The following KALRN variants were observed in gnomAD, a reference collection of about 807,000 sequenced individuals.
The protein encoded by KALRN is kalirin RhoGEF kinase.
Under a neutral mutation model 353.7 loss-of-function variants are expected in KALRN, and 70 were observed. The ratio of observed to expected loss-of-function variants is 0.20; its 90% confidence interval spans 0.16 to 0.24. The LOEUF is 0.24. KALRN is among the 10% of genes least tolerant of loss of function. The pLI is 1.00. For missense variants in KALRN, 2,791 were observed against 3,756.7 expected (o/e 0.74, Z 6.72); for synonymous variants, 1,391 against 1,434.8 (o/e 0.97, Z 0.69).
intron 1 of KALRN, among the ~76,000 whole-genome samples, chr3:124,146,626 C>G (rs148755977): frequency 1.3e-5 from 2 of 151,872 alleles, no homozygotes; most frequent in Non-Finnish European, 2.9e-5. Context: ...GCCTGTAATC[C>G]CAGCACTTTG....
intron 10 of KALRN, among the ~76,000 whole-genome samples, chr3:124,371,642 A>G (rs1024062125): frequency 6.6e-6 from 1 of 152,040 alleles, no homozygotes; most frequent in Non-Finnish European, 1.5e-5. Flanking sequence ...TCTTTAAAAA[A>G]TTTTTTACTA....
chr3:124,190,380 A>G (rs1344865456), intron 1 of KALRN, among the ~76,000 whole-genome samples: 2 of 151,998 alleles, frequency 1.3e-5, no homozygotes, highest in East Asian at 1.9e-4. Flanking sequence ...CACCATCACT[A>G]TTTCTGCATT....
At position 124,107,478 on chromosome 3, in the gene KALRN, A is replaced by G. The variant is rs191539031; in HGVS notation, c.73+73665A>G. On this transcript the variant is annotated intron_variant, in intron 1 of 59. Transcript: ENST00000682506. ...CTCAGCTAGAGACAATGTGGTTGGAACGCAGTTGAAATTATAGAGACTTTT... is the reference window on the plus strand; with the variant it reads ...CTCAGCTAGAGACAATGTGGTTGGAGCGCAGTTGAAATTATAGAGACTTTT... Among the ~76,000 whole-genome samples the G allele has an allele frequency of 5.3e-5, 8 of 152,324 alleles. No individual in the cohort carries two copies. The East Asian group carries it at 1.5e-3, about 29-fold the overall frequency.
chr3:124,224,174 A>T, intron 1 of KALRN, among the ~76,000 whole-genome samples: 1 of 149,376 alleles, frequency 6.7e-6, no homozygotes, highest in African/African-American at 2.5e-5. Flanking sequence ...TTTTTCCTGC[A>T]GCAACTCCAA....
chr3:124,317,071 G>T (rs1461713991), intron 6 of KALRN, among the ~76,000 whole-genome samples: 1 of 152,184 alleles, frequency 6.6e-6, no homozygotes, highest in Non-Finnish European at 1.5e-5. Context: ...GCCCATTCCG[G>T]AGCTAGGCTA....
At chr3:124,159,896 A>C (rs2069651668) in intron 1 of KALRN, among the ~76,000 whole-genome samples, 1 of 151,970 alleles carries the variant, frequency 6.6e-6, no homozygotes, top group Non-Finnish European at 1.5e-5. Flanking sequence ...TGGAAGCAGG[A>C]TTCTCAGAAG....
At chr3:124,582,866 C>T (rs1481450719) in intron 34 of KALRN, among the ~76,000 whole-genome samples, 1 of 152,090 alleles carries the variant, frequency 6.6e-6, no homozygotes, top group East Asian at 1.9e-4. Context: ...CATCCCCAGG[C>T]TCAAGTGATC....
At chr3:124,250,143 G>A (rs1560358395) in intron 3 of KALRN, among the ~76,000 whole-genome samples, 1 of 152,206 alleles carries the variant, frequency 6.6e-6, no homozygotes, top group South Asian at 2.1e-4. Context: ...CAGGCAAAGA[G>A]CACTGGGCTT....
intron 10 of KALRN, chr3:124,374,213 G>C (rs1300100472): frequency 1.3e-5 from 2 of 152,462 alleles, no homozygotes; most frequent in African/African-American, 4.8e-5. Flanking sequence ...ACCAGATACT[G>C]AATCTGTGGG....
At chr3:124,711,935 TAAC>T (rs2062907989) in intron 57 of KALRN, among the ~76,000 whole-genome samples, 1 of 152,156 alleles carries the variant, frequency 6.6e-6, no homozygotes, top group Non-Finnish European at 1.5e-5. Context: ...AATAAGAAGA[TAAC>T]AAACATAAAA....
intron 14 of KALRN, 146 bp from the exon 15 acceptor site, chr3:124,422,666 G>A (rs2092833229): frequency 1.5e-6 from 1 of 651,938 alleles, no homozygotes; most frequent in African/African-American, 1.8e-5. Context: ...GCATTGTGGT[G>A]CCCAGTTTCA....
At chr3:124,037,047 A>G (rs1361479135) in intron 1 of KALRN, among the ~76,000 whole-genome samples, 1 of 152,198 alleles carries the variant, frequency 6.6e-6, no homozygotes, top group African/African-American at 2.4e-5. Context: ...TTTATTGATC[A>G]TAGTTATGAG....
At chr3:124,532,590 G>T (rs778742762) in intron 33 of KALRN, among the ~76,000 whole-genome samples, 1 of 152,168 alleles carries the variant, frequency 6.6e-6, no homozygotes, top group Non-Finnish European at 1.5e-5. Context: ...CGGATCACTT[G>T]AGGTCAGGAG....
intron 33 of KALRN, among the ~76,000 whole-genome samples, chr3:124,546,823 C>G (rs981682346): frequency 5.9e-5 from 9 of 152,142 alleles, no homozygotes; most frequent in Non-Finnish European, 8.8e-5. Context: ...AAGGTCTTAG[C>G]TGTGAGAGAA....
At chr3:124,319,821 C>T (rs771867389) in intron 6 of KALRN, among the ~76,000 whole-genome samples, 16 of 151,836 alleles carry the variant, frequency 1.1e-4, no homozygotes, top group Non-Finnish European at 2.2e-4. Flanking sequence ...GGCAAAACCC[C>T]GTCTCTACTA....
chr3:124,622,860 C>T (rs917933293), intron 34 of KALRN, among the ~76,000 whole-genome samples: 1 of 152,110 alleles, frequency 6.6e-6, no homozygotes, highest in African/African-American at 2.4e-5. Context: ...TCTTTGATGA[C>T]TTGTGTACAG....
chr3:124,228,797 C>A (rs1397487000), intron 2 of KALRN, among the ~76,000 whole-genome samples: 1 of 152,186 alleles, frequency 6.6e-6, no homozygotes, highest in Non-Finnish European at 1.5e-5. Context: ...TTTCATGGGG[C>A]TGAAATCTAG....
At chr3:124,201,747 A>C (rs1165473407) in intron 1 of KALRN, among the ~76,000 whole-genome samples, 1 of 152,088 alleles carries the variant, frequency 6.6e-6, no homozygotes, top group Non-Finnish European at 1.5e-5. Context: ...CAAGTGATAG[A>C]CCTGGGAGTG....
rs1485099485 is a variant in KALRN, at chr3:124,334,509, A to C, written c.1647+14A>C. On this transcript the variant is annotated intron_variant, in intron 9 of 59. Transcript: ENST00000682506. The surrounding 1 kb of genome is among the most constrained non-coding windows in gnomAD (Gnocchi z 4.2). ...GATGTACAGCAGGTAACAGGCTCTG[A>C]GCCCCGGTGTCCATTATCCATTCTA... The C allele has an allele frequency of 1.3e-6, 2 of 1,588,654 alleles. No individual in the cohort carries two copies. Among genetic ancestry groups the C allele is most frequent in the Non-Finnish European group, 1.7e-6 (2 of 1,160,002 alleles).
Sources: allele counts gnomAD v4.1 joint callset (sites outside exome capture counted in the v4.1 genomes callset), GRCh38; gene constraint gnomAD v4.1.1; non-coding constraint Gnocchi (gnomAD v3.1); transcripts MANE v1.5; gene names NCBI Gene and HGNC (gene_info 2026-07-23, HGNC 2026-07-21).